The following ST3GAL3 variants were observed in gnomAD, a reference collection of about 807,000 sequenced individuals.
ST3GAL3 encodes ST3 beta-galactoside alpha-2,3-sialyltransferase 3.
In ST3GAL3, 21 loss-of-function variants were observed where a neutral mutation model predicts 50.1. That is an observed-to-expected ratio of 0.42 (90% CI 0.30 to 0.60). The LOEUF is 0.60. Among genes scored for constraint, ST3GAL3 ranks in the 20% least tolerant of loss-of-function variants. The pLI is 0.19. For synonymous variants in ST3GAL3, 183 were observed against 190.0 expected (o/e 0.96, Z 0.30); for missense variants, 353 against 489.4 (o/e 0.72, Z 2.63).
intron 3 of ST3GAL3, among the ~76,000 whole-genome samples, chr1:43,806,858 G>A (rs11580676): frequency 0.37 from 56,518 of 151,850 alleles, 11,253 homozygotes; most frequent in East Asian, 0.59. Flanking sequence ...CTCGGGTAAT[G>A]TTTTGTATCT....
At chr1:43,775,430 C>T (rs1014355932) in intron 2 of ST3GAL3, among the ~76,000 whole-genome samples, 6 of 152,016 alleles carry the variant, frequency 3.9e-5, no homozygotes, top group Non-Finnish European at 8.8e-5. Context: ...GATGGAGTTT[C>T]GCCATGTTGG....
intron 4 of ST3GAL3, among the ~76,000 whole-genome samples, chr1:43,819,537 C>T (rs1414817779): frequency 1.3e-5 from 2 of 152,184 alleles, no homozygotes; most frequent in African/African-American, 4.8e-5. Context: ...GTAGTTGACT[C>T]ACCCTTAATT....
rs909931598 is a variant in ST3GAL3, at chr1:43,716,753, C to T, written c.-31+9060C>T. On this transcript the variant is annotated intron_variant, in intron 1 of 11. Transcript: ENST00000347631. ...TGACTTAGGGACTGCATGAGGAGGC[C>T]GGTGTCCATGAAATTAAACACCAAG... Among the ~76,000 whole-genome samples the T allele has an allele frequency of 3.9e-5, 6 of 152,076 alleles. No homozygotes were observed. In the East Asian group the frequency reaches 7.7e-4, roughly 20 times the overall value.
intron 9 of ST3GAL3, among the ~76,000 whole-genome samples, chr1:43,918,465 G>C (rs1414321122): frequency 6.6e-6 from 1 of 151,978 alleles, no homozygotes; most frequent in Non-Finnish European, 1.5e-5. Context: ...TTTTGTATAT[G>C]GTGTGAGGAG....
intron 5 of ST3GAL3, among the ~76,000 whole-genome samples, chr1:43,884,985 A>G (rs1255287102): frequency 6.6e-6 from 1 of 152,110 alleles, no homozygotes; most frequent in Non-Finnish European, 1.5e-5. Context: ...CTTTCTTGCC[A>G]GTCTGTGGAT....
chr1:43,713,554 C>G (rs1322075796), intron 1 of ST3GAL3, among the ~76,000 whole-genome samples: 1 of 112,234 alleles, frequency 8.9e-6, no homozygotes, highest in Non-Finnish European at 1.7e-5. Context: ...GAGAAAAGTA[C>G]TCACTCTATC....
chr1:43,881,011 C>T lies in ST3GAL3; in HGVS notation c.303-13372C>T, dbSNP rs927550878. On this transcript the variant is annotated intron_variant, in intron 5 of 11. Transcript: ENST00000347631. ...TCCACCAAGGCAGGGACTCTGAGTT[C>T]TTTTTTTTTTTTCCTTTGAGACGGA... 2.7e-5 allele frequency among the ~76,000 whole-genome samples: 4 copies of T among 145,576 alleles called. No individual in the cohort carries two copies. In the South Asian group the frequency reaches 6.5e-4, roughly 24 times the overall value.
intron 5 of ST3GAL3, among the ~76,000 whole-genome samples, chr1:43,857,364 C>T (rs2068599719): frequency 6.6e-6 from 1 of 152,126 alleles, no homozygotes; most frequent in South Asian, 2.1e-4. Context: ...AAAAATAGGC[C>T]TGGCACAGTG....
At chr1:43,749,582 C>A (rs372236099) in intron 2 of ST3GAL3, among the ~76,000 whole-genome samples, 87 of 152,022 alleles carry the variant, frequency 5.7e-4, no homozygotes, top group African/African-American at 2.0e-3. Flanking sequence ...AACAAACAAA[C>A]AAAAAAATGA....
Position 43,797,572 on chromosome 1 carries a change from G to A in ST3GAL3, c.166+5423G>A, listed in dbSNP as rs1007028015. On this transcript the variant is annotated intron_variant, in intron 3 of 11. Coordinates refer to ENST00000347631, the MANE Select transcript of ST3GAL3 (RefSeq NM_006279.5). ...GGTCTTATTAATTGATGAAGAAAAC[G>A]CATTTGACAGAATTCAACATCTATT... Among the ~76,000 whole-genome samples, 11 of 152,100 alleles carry A rather than the reference G, an allele frequency of 7.2e-5. No homozygotes were observed. The East Asian group carries it at 1.3e-3, about 19-fold the overall frequency.
chr1:43,838,114 CAA>C lies in ST3GAL3; in HGVS notation c.210-90_210-89del, dbSNP rs56058853. 1,028 of 356,382 alleles carry C rather than the reference CAA, an allele frequency of 2.9e-3. 2 individuals are homozygous for C. The highest frequency in any genetic ancestry group is 8.8e-3 in the Admixed American group (239 of 27,250). The allele number at this position is 356,382 out of a possible 1,614,324, so 22.1% of individuals were successfully genotyped here. ...TGGGCAACAGAACGAGACTCCGTCT[CAA>C]AAAAAAAAAAAAAAGGGTTAAACAC... On this transcript the variant is annotated intron_variant, in intron 4 of 11. Transcript: ENST00000347631.
chr1:43,847,235 G>A (rs72888716), intron 5 of ST3GAL3, among the ~76,000 whole-genome samples: 7,695 of 152,242 alleles, frequency 0.051, 629 homozygotes, highest in African/African-American at 0.17. Context: ...TGGAAAACAG[G>A]ATGCAGTTCC....
At chr1:43,904,768 G>T in intron 9 of ST3GAL3, among the ~76,000 whole-genome samples, 1 of 117,926 alleles carries the variant, frequency 8.5e-6, no homozygotes, top group East Asian at 2.6e-4. Flanking sequence ...CCCTCCTCCT[G>T]CTCCTCTTCC....
intron 5 of ST3GAL3, among the ~76,000 whole-genome samples, chr1:43,864,291 C>G (rs2070769538): frequency 6.6e-6 from 1 of 152,008 alleles, no homozygotes; most frequent in Admixed American, 6.6e-5. Context: ...GGAAAAAAAA[C>G]AAAGAAAGAA....
intron 2 of ST3GAL3, among the ~76,000 whole-genome samples, chr1:43,746,174 T>A (rs561404825): frequency 6.6e-6 from 1 of 152,316 alleles, no homozygotes; most frequent in South Asian, 2.1e-4. Flanking sequence ...TTTTGACACA[T>A]GCTGCAGCAT....
At chr1:43,908,322 G>A (rs150703694) in intron 9 of ST3GAL3, among the ~76,000 whole-genome samples, 39 of 152,256 alleles carry the variant, frequency 2.6e-4, no homozygotes, top group African/African-American at 8.9e-4. Flanking sequence ...AAAGTGACCA[G>A]GTGCTTCATT....
chr1:43,862,803 C>T (rs2070338871), intron 5 of ST3GAL3, among the ~76,000 whole-genome samples: 1 of 151,364 alleles, frequency 6.6e-6, no homozygotes, highest in South Asian at 2.1e-4. Context: ...GTAGCCCTAG[C>T]TATTCAGGAG....
intron 2 of ST3GAL3, among the ~76,000 whole-genome samples, chr1:43,790,608 A>G (rs1321523519): frequency 6.6e-6 from 1 of 150,586 alleles, no homozygotes; most frequent in Non-Finnish European, 1.5e-5. Context: ...TAGAATATAC[A>G]ATCTTCAACA....
chr1:43,887,030 A>G (rs1293546556), intron 5 of ST3GAL3, among the ~76,000 whole-genome samples: 1 of 152,236 alleles, frequency 6.6e-6, no homozygotes, highest in Non-Finnish European at 1.5e-5. Flanking sequence ...TGGGTAAGGA[A>G]GCCAGAAGCT....
Sources: gnomAD v4.1 joint callset for allele counts (sites outside exome capture counted in the v4.1 genomes callset) on GRCh38, gnomAD v4.1.1 for gene constraint, MANE v1.5 for transcripts, NCBI Gene and HGNC (gene_info 2026-07-23, HGNC 2026-07-21) for gene names.